CYP11B1: variants seen among roughly 807,000 people sequenced by gnomAD.
CYP11B1 encodes the protein cytochrome P450 family 11 subfamily B member 1, also known as cytochrome P450 11B1, mitochondrial.
A neutral mutation model predicts 48.3 loss-of-function variants in CYP11B1; 34 were observed. The ratio of observed to expected loss-of-function variants is 0.70; its 90% CI spans 0.54 to 0.94. The LOEUF is 0.94. Among genes scored for constraint, CYP11B1 ranks in the 40% least tolerant of loss-of-function variants. The probability of loss-of-function intolerance (pLI) is 0.00; values close to 1 mark genes in which losing one functional copy is unlikely to be tolerated. For missense variants in CYP11B1, 688 were observed against 657.4 expected, an observed-to-expected ratio of 1.05 and a Z score of -0.51; for synonymous variants, 291 against 262.5, an observed-to-expected ratio of 1.11 and a Z score of -1.05.
intron 6 of CYP11B1, 31 bp from the exon 7 acceptor site, chr8:142,875,343 C>T (rs749627330): frequency 6.3e-7 from 1 of 1,599,856 alleles, no homozygotes; most frequent in South Asian, 1.1e-5. Context: ...AGAAAGGGTC[C>T]TCAGCTGGAT....
At position 142,876,924 on chromosome 8, in the gene CYP11B1, G is replaced by A. The variant is rs371436758; in HGVS notation, c.596-39C>T. ...GCACTGCTGAGCACAAGGCAGCCCC[G>A]GGCCTCCTGGCTGCCTCCCCACACT... On this transcript the variant is annotated intron_variant, in intron 3 of 8. Coordinates refer to ENST00000292427, the MANE Select transcript of CYP11B1 (RefSeq NM_000497.4). 2,228 of 1,612,552 alleles carry A rather than the reference G, an allele frequency of 1.4e-3. 2 individuals carry two copies. The highest frequency in any genetic ancestry group is 7.4e-3 in the African/African-American group (553 of 74,636).
rs758533779 is a variant in CYP11B1 at position 142,879,724 on chromosome 8, C to T, written c.90G>A (p.Arg30=). ...RAQALGTRAA[R]VPRTVLPFEA... is the part of the protein sequence containing the mutation. ...CAAAGGGCAGCACTGTCCTGGGGACCCGGGCGGCTCTCGTGCCCAGTGCCT... is the reference window on the plus strand; with the variant it reads ...CAAAGGGCAGCACTGTCCTGGGGACTCGGGCGGCTCTCGTGCCCAGTGCCT... Residue 30 remains arginine, a synonymous_variant, in exon 1 of 9, where the codon CGG becomes CGA. Coordinates refer to ENST00000292427, the MANE Select transcript of CYP11B1 (RefSeq NM_000497.4). 1 of 1,614,246 alleles carries T rather than the reference C, an allele frequency of 6.2e-7. No individual in the cohort carries two copies. Among genetic ancestry groups the T allele is most frequent in the Non-Finnish European group, 8.5e-7 (1 of 1,180,044 alleles).
chr8:142,876,450 A>C, intron 4 of CYP11B1, 55 bp from the exon 5 acceptor site: 1 of 1,579,732 alleles, frequency 6.3e-7, no homozygotes, highest in Non-Finnish European at 8.6e-7. Flanking sequence ...GACATCCTTC[A>C]GTGTCCTCCT....
At chr8:142,879,222 A>G (rs774785970) in intron 1 of CYP11B1, 35 bp from the exon 2 acceptor site, 3 of 1,613,432 alleles carry the variant, frequency 1.9e-6, no homozygotes, top group East Asian at 2.2e-5. Flanking sequence ...GCTGGATGGG[A>G]CCATGTCCCC....
At chr8:142,875,413 A>G (rs1816906612) in intron 6 of CYP11B1, 101 bp from the exon 7 acceptor site, 4 of 1,376,406 alleles carry the variant, frequency 2.9e-6, no homozygotes, top group Admixed American at 2.0e-5. Context: ...TCCCAGATCC[A>G]TGGGAAGCCC....
rs104894061 is a variant in CYP11B1 at position 142,876,242 on chromosome 8, G to C, written c.953C>G (p.Thr318Arg). ...GGTGGGGCTGGTTGCCGGCCTGACC[G>C]TGTCCACGCTCCCTGCAGTGAGTTC... ...SMELTAGSVD[T>R]TVFPLLMTLF... Residue 318 changes from threonine to arginine, a missense_variant and splice_region_variant, in exon 5 of 9, where the codon ACG becomes AGG. By Grantham distance (71) the Thr-to-Arg change is moderately conservative. Transcript: ENST00000292427. The C allele has an allele frequency of 1.5e-5, 25 of 1,614,184 alleles. No individual in the cohort carries two copies. The highest frequency in any genetic ancestry group is 2.1e-5 in the Non-Finnish European group (25 of 1,180,032).
At chr8:142,878,174 G>A (rs997193710) in intron 2 of CYP11B1, among the ~76,000 whole-genome samples, 44 of 152,244 alleles carry the variant, frequency 2.9e-4, no homozygotes, top group African/African-American at 9.6e-4. Flanking sequence ...CCTTCCTTCC[G>A]TTATGTGCAC....
chr8:142,876,572 A>C, intron 4 of CYP11B1, 110 bp downstream of exon 4: 1 of 1,550,774 alleles, frequency 6.4e-7, no homozygotes, highest in South Asian at 1.2e-5. Flanking sequence ...AAGGTGAGGA[A>C]TCCCCGACCC....
At chr8:142,875,937 A>G in intron 5 of CYP11B1, 59 bp from the exon 6 acceptor site, 1 of 1,605,142 alleles carries the variant, frequency 6.2e-7, no homozygotes, top group South Asian at 1.1e-5. Context: ...CCCCCGGGAC[A>G]CCCCTCCCAG....
intron 2 of CYP11B1, chr8:142,877,901 A>G: frequency 7.4e-7 from 1 of 1,347,250 alleles, no homozygotes; most frequent in Non-Finnish European, 1.0e-6. Context: ...GATGGCAGGC[A>G]GAAGATGCAC....
At chr8:142,878,078 GCA>G (rs1407065970) in intron 2 of CYP11B1, among the ~76,000 whole-genome samples, 2 of 151,934 alleles carry the variant, frequency 1.3e-5, no homozygotes, top group African/African-American at 2.4e-5. Flanking sequence ...ACACACGCAT[GCA>G]CACACAACAC....
chr8:142,873,737 C>T lies in CYP11B1; in HGVS notation c.*636G>A, dbSNP rs890954288. The T allele has an allele frequency of 1.2e-5, 2 of 161,200 alleles. No homozygotes were observed. The highest frequency in any genetic ancestry group is 2.4e-5 in the African/African-American group (1 of 41,540). 10.0% of individuals were successfully genotyped at this position (161,200 alleles called of 1,614,324 possible). ...GATGAGGCCTGGGGCATGAGGCTGACACGATCAGCTGGGGAACACACGTCC... is the reference window on the plus strand; with the variant it reads ...GATGAGGCCTGGGGCATGAGGCTGATACGATCAGCTGGGGAACACACGTCC... On this transcript the variant is annotated 3_prime_UTR_variant, in exon 9 of 9. Transcript: ENST00000292427.
chr8:142,874,960 G>T lies in CYP11B1; in HGVS notation c.1395C>A (p.His465Gln). Residue 465 changes from histidine (H) to glutamine (Q), a missense_variant, in exon 8 of 9, where the codon CAC becomes CAA. Physicochemically the swap from His to Gln is conservative, Grantham distance 24. Coordinates refer to ENST00000292427, the MANE Select transcript of CYP11B1 (RefSeq NM_000497.4). ...LAEAEMLLLL[H>Q]HVLKHLQVET... Reference sequence around the variant, plus strand: ...TCCCCAGCCCGGGCCTGCTCACATGGTGCAGCAGCAGCAGCATCTCTGCCT... The same window carrying T: ...TCCCCAGCCCGGGCCTGCTCACATGTTGCAGCAGCAGCAGCATCTCTGCCT... 3.1e-6 allele frequency: 5 copies of T among 1,613,462 alleles called. No homozygotes were observed. The highest frequency in any genetic ancestry group is 4.2e-6 in the Non-Finnish European group (5 of 1,180,010).
At position 142,878,974 on chromosome 8, in the gene CYP11B1, G is replaced by T. The variant is rs537178555; in HGVS notation, c.395+58C>A. 2.5e-6 allele frequency: 4 copies of T among 1,601,026 alleles called. No homozygotes were observed. In the East Asian group the frequency reaches 9.0e-5, roughly 36 times the overall value. The stretch of plus-strand genomic sequence containing the variant: ...TGTGCTTTTGGGTCCTGCCTCTCTC[G>T]CCTCCCCCCTACACCCAGGCTGCCC... On this transcript the variant is annotated intron_variant, in intron 2 of 8. Coordinates refer to ENST00000292427, the MANE Select transcript of CYP11B1 (RefSeq NM_000497.4).
rs1379618569 is a variant in CYP11B1 at position 142,875,496 on chromosome 8, C to A, written c.1122-184G>T. On this transcript the variant is annotated intron_variant, in intron 6 of 8. Transcript: ENST00000292427. ...CCCCTAACTTAAGCAGCCCCGAGCG[C>A]AGAAGGACATGCTCCACGTTAATCC... 5.9e-6 allele frequency: 6 copies of A among 1,017,788 alleles called. No individual in the cohort carries two copies. The East Asian group carries it at 1.6e-4, about 26-fold the overall frequency. The allele number at this position is 1,017,788 out of a possible 1,614,324, so 63.0% of individuals were successfully genotyped here.
At chr8:142,876,108 C>T (rs1164863656) in intron 5 of CYP11B1, 133 bp downstream of exon 5, 1 of 1,350,624 alleles carries the variant, frequency 7.4e-7, no homozygotes, top group South Asian at 1.2e-5. Context: ...TATCACATCA[C>T]AATCCCAAGT....
rs772616356 is a variant in CYP11B1, at chr8:142,873,759, G to A, written c.*614C>T. 62 of 163,612 alleles carry A rather than the reference G, an allele frequency of 3.8e-4. No homozygotes were observed. Among genetic ancestry groups the A allele is most frequent in the African/African-American group, 5.7e-4 (24 of 41,768 alleles). 10.1% of individuals were successfully genotyped at this position (163,612 alleles called of 1,614,324 possible). On this transcript the variant is annotated 3_prime_UTR_variant, in exon 9 of 9. Coordinates refer to ENST00000292427, the MANE Select transcript of CYP11B1 (RefSeq NM_000497.4). ...TGACACGATCAGCTGGGGAACACAC[G>A]TCCCTCGAGACTCAGTTGTATCACT...
chr8:142,874,347 C>T lies in CYP11B1; in HGVS notation c.*26G>A. On this transcript the variant is annotated 3_prime_UTR_variant, in exon 9 of 9. Transcript: ENST00000292427. The stretch of plus-strand genomic sequence containing the variant: ...GCAGAAAGGGAGGCTGGTGGCCAGG[C>T]TGGGACCCTGGGTGCAGAGACGTGA... The T allele has an allele frequency of 6.5e-7, 1 of 1,538,232 alleles. No homozygotes were observed. Among genetic ancestry groups the T allele is most frequent in the Non-Finnish European group, 9.0e-7 (1 of 1,110,854 alleles).
chr8:142,876,774 T>G lies in CYP11B1; in HGVS notation c.707A>C (p.Gln236Pro). The change falls in exon 4 of 9, where the codon CAG becomes CCG. Residue 236 changes from glutamine to proline, a missense_variant. Coordinates refer to ENST00000292427, the MANE Select transcript of CYP11B1 (RefSeq NM_000497.4). Reference sequence around the variant, plus strand: ...CAGGCTCCTGGGCATGAACATGAGCTGGACGGTGGATTTGAACATGACCTC... The same window carrying G: ...CAGGCTCCTGGGCATGAACATGAGCGGGACGGTGGATTTGAACATGACCTC... ...ALEVMFKSTVQLMFMPRSLSR... is the reference protein window; with the variant it reads ...ALEVMFKSTVPLMFMPRSLSR... 1 of 1,614,126 alleles carries G rather than the reference T, an allele frequency of 6.2e-7. No homozygotes were observed. The highest frequency in any genetic ancestry group is 2.2e-5 in the East Asian group (1 of 44,870).
Sources: gnomAD v4.1 joint callset for allele counts (sites outside exome capture counted in the v4.1 genomes callset) on GRCh38, gnomAD v4.1.1 for gene constraint, MANE v1.5 for transcripts, NCBI Gene and HGNC (gene_info 2026-07-23, HGNC 2026-07-21) for gene names.